Variants in ANK3 observed in about 807,000 individuals in gnomAD.
ANK3 encodes ankyrin-3.
A neutral mutation model predicts 370.9 loss-of-function variants in ANK3; 57 were observed. That is an observed-to-expected ratio of 0.15 (90% CI 0.12 to 0.19). The LOEUF is 0.19. Among genes scored for constraint, ANK3 ranks in the 10% least tolerant of loss-of-function variants. ANK3 has a pLI of 1.00. For missense variants in ANK3, 4,439 were observed against 5,302.1 expected, an observed-to-expected ratio of 0.84 and a Z score of 5.06; for synonymous variants, 1,929 against 1,946.3, an observed-to-expected ratio of 0.99 and a Z score of 0.23.
intron 21 of ANK3, 66 bp from the exon 22 acceptor site, chr10:60,166,962 A>G: frequency 1.5e-6 from 2 of 1,298,062 alleles, no homozygotes; most frequent in Non-Finnish European, 2.2e-6. Flanking sequence ...CTTTTCATTT[A>G]TCTCTGAATT....
intron 23 of ANK3, among the ~76,000 whole-genome samples, chr10:60,165,780 C>T (rs1167951413): frequency 1.3e-5 from 2 of 152,136 alleles, no homozygotes; most frequent in African/African-American, 2.4e-5. Context: ...ATAGGGTAGA[C>T]TGTATTTGAT....
At chr10:60,560,572 G>A (rs2068043) in intron 2 of ANK3, among the ~76,000 whole-genome samples, 29,744 of 152,048 alleles carry the variant, frequency 0.2, 3,387 homozygotes, top group South Asian at 0.38. Context: ...GAACAGTTAC[G>A]GAGAAAAAGT....
rs565434672 is a variant in ANK3 at position 60,238,206 on chromosome 10, C to A, written c.799-3420G>T. Among the ~76,000 whole-genome samples the A allele has an allele frequency of 2.5e-3, 380 of 152,318 alleles. 3 individuals carry two copies. Among genetic ancestry groups the A allele is most frequent in the Non-Finnish European group, 4.3e-3 (290 of 68,022 alleles). On this transcript the variant is annotated intron_variant, in intron 7 of 43. Transcript: ENST00000280772. Reference sequence around the variant, plus strand: ...ACCAATAAAAATGTATCATGCCCTACTATGAGTAACGCTGTGAGCTGCACT... The same window carrying A: ...ACCAATAAAAATGTATCATGCCCTAATATGAGTAACGCTGTGAGCTGCACT...
chr10:60,546,870 A>G (rs1292006525), intron 2 of ANK3, among the ~76,000 whole-genome samples: 1 of 152,178 alleles, frequency 6.6e-6, no homozygotes, highest in East Asian at 1.9e-4. Flanking sequence ...GCCAGGTGAC[A>G]TTTTAACTCA....
At chr10:60,185,114 A>C (rs1448636024) in intron 17 of ANK3, among the ~76,000 whole-genome samples, 4 of 150,756 alleles carry the variant, frequency 2.7e-5, no homozygotes, top group Admixed American at 2.6e-4. Context: ...ATGCTGAGAC[A>C]TGCACTCCTA....
chr10:60,213,358 T>C (rs932721214), intron 9 of ANK3, 54 bp downstream of exon 9: 6 of 1,257,014 alleles, frequency 4.8e-6, no homozygotes, highest in Non-Finnish European at 7.0e-6. Flanking sequence ...GGCTAGATCA[T>C]ATAACCATCA....
chr10:60,106,175 G>A, intron 27 of ANK3, 116 bp from the exon 28 acceptor site: 1 of 932,930 alleles, frequency 1.1e-6, no homozygotes, highest in Non-Finnish European at 1.5e-6. Flanking sequence ...ACTAAGGTTG[G>A]GAATGATTTC....
intron 1 of ANK3, among the ~76,000 whole-genome samples, chr10:60,354,839 T>C (rs867197112): frequency 1.1e-4 from 17 of 152,202 alleles, no homozygotes; most frequent in South Asian, 2.1e-4. Context: ...CTTATGCTTA[T>C]GAATTTTTAA....
intron 2 of ANK3, among the ~76,000 whole-genome samples, chr10:60,417,208 A>C (rs960278769): frequency 6.6e-6 from 1 of 152,200 alleles, no homozygotes; most frequent in Admixed American, 6.5e-5. Context: ...CTCAGGGAAA[A>C]AGTGAGTCCT....
Position 60,073,974 on chromosome 10 carries a change from C to G in ANK3, c.6907G>C (p.Asp2303His), listed in dbSNP as rs1400018652. 1 of 1,614,026 alleles carries G rather than the reference C, an allele frequency of 6.2e-7. No individual in the cohort carries two copies. Among genetic ancestry groups the G allele is most frequent in the East Asian group, 2.2e-5 (1 of 44,860 alleles). ...LFEHKSAVSP[D>H]VHKSAAETSA... ...GTTTCAGCAGCAGACTTGTGAACAT[C>G]TGGAGACACTGCCGACTTATGTTCA... Residue 2303 changes from aspartate (D) to histidine (H), a missense_variant, in exon 37 of 44, where the codon GAT (aspartate) becomes CAT (histidine). Around this residue, in one of 13 missense-constraint regions of ANK3, gnomAD observed 1,601 missense variants for 1,731.7 expected, o/e 0.92. Coordinates refer to ENST00000280772, the MANE Select transcript of ANK3 (RefSeq NM_020987.5).
chr10:60,661,910 C>G (rs1264182170), intron 1 of ANK3, among the ~76,000 whole-genome samples: 1 of 152,110 alleles, frequency 6.6e-6, no homozygotes, highest in Non-Finnish European at 1.5e-5. Flanking sequence ...GCACTTTCAT[C>G]CCCCAAACAA....
At chr10:60,578,565 C>T (rs929783700) in intron 2 of ANK3, among the ~76,000 whole-genome samples, 3 of 152,116 alleles carry the variant, frequency 2.0e-5, no homozygotes, top group Admixed American at 6.5e-5. Context: ...TCCAGCAATG[C>T]TCATATTAAA....
intron 1 of ANK3, among the ~76,000 whole-genome samples, chr10:60,653,856 A>G (rs1454512704): frequency 1.3e-5 from 2 of 152,238 alleles, no homozygotes; most frequent in Non-Finnish European, 2.9e-5. Context: ...TGACAGAGCA[A>G]GAACGTGTAT....
At chr10:60,288,077 C>G (rs917026477) in intron 1 of ANK3, among the ~76,000 whole-genome samples, 1 of 152,256 alleles carries the variant, frequency 6.6e-6, no homozygotes, top group African/African-American at 2.4e-5. Context: ...ACCTAGATAT[C>G]TTTTTATTCC....
intron 8 of ANK3, among the ~76,000 whole-genome samples, chr10:60,226,509 ACATAGT>A: frequency 1.6e-5 from 1 of 62,780 alleles, no homozygotes; most frequent in South Asian, 5.4e-4. Flanking sequence ...TAGTATATAT[ACATAGT>A]ATATATACTA....
At chr10:60,342,263 T>C (rs186668097) in intron 1 of ANK3, among the ~76,000 whole-genome samples, 107 of 152,270 alleles carry the variant, frequency 7.0e-4, no homozygotes, top group African/African-American at 2.5e-3. Context: ...AAGTTTTTAT[T>C]TCAGTAGATA....
chr10:60,438,879 T>A (rs1055098328), intron 2 of ANK3, among the ~76,000 whole-genome samples: 2 of 152,104 alleles, frequency 1.3e-5, no homozygotes, highest in African/African-American at 4.8e-5. Context: ...GGAAGAAAAA[T>A]TTTTAAATCA....
rs117347244 is a variant in ANK3, at chr10:60,548,326, C to T, written c.96+66860G>A. Among the ~76,000 whole-genome samples the T allele has an allele frequency of 8.7e-3, 1,322 of 151,732 alleles. 20 individuals carry two copies. Among genetic ancestry groups the T allele is most frequent in the East Asian group, 0.057 (296 of 5,158 alleles). On this transcript the variant is annotated intron_variant, in intron 2 of 43. Coordinates refer to the ANK3 transcript ENST00000373827. ...TCCCAGGTTCGAGTGATTCTCCCACCTCAGCCTTCCCAGTGGCTGGGATCA... is the reference window on the plus strand; with the variant it reads ...TCCCAGGTTCGAGTGATTCTCCCACTTCAGCCTTCCCAGTGGCTGGGATCA...
chr10:60,561,029 G>A (rs528504662), intron 2 of ANK3, among the ~76,000 whole-genome samples: 33 of 152,100 alleles, frequency 2.2e-4, no homozygotes, highest in Admixed American at 7.9e-4. Context: ...ATTATCTAGT[G>A]GCAAAATCAC....
Sources: gnomAD v4.1 joint callset for allele counts (sites outside exome capture counted in the v4.1 genomes callset) on GRCh38, gnomAD v4.1.1 for gene constraint, gnomAD v4.1.1 regional missense constraint, MANE v1.5 for transcripts, NCBI Gene and HGNC (gene_info 2026-07-23, HGNC 2026-07-21) for gene names.